The following MAST4 variants were observed in gnomAD, a reference collection of about 807,000 sequenced individuals.
MAST4 encodes the protein microtubule associated serine/threonine kinase family member 4.
A neutral mutation model predicts 162.7 loss-of-function variants in MAST4; 89 were observed. That is an observed-to-expected ratio of 0.55 (90% CI 0.46 to 0.65). The LOEUF is 0.65. MAST4 is among the 30% of genes least tolerant of loss of function. The pLI is 0.00. For missense variants in MAST4, 3,153 were observed against 3,374.0 expected, an observed-to-expected ratio of 0.93 and a Z score of 1.62; for synonymous variants, 1,479 against 1,361.1, an observed-to-expected ratio of 1.09 and a Z score of -1.91.
chr5:67,151,767 CTTT>C lies in MAST4; in HGVS notation c.3296-854_3296-852del, dbSNP rs1163541260. 3.1e-3 allele frequency among the ~76,000 whole-genome samples: 363 copies of C among 115,626 alleles called. 1 individual carries two copies. The highest frequency in any genetic ancestry group is 0.011 in the African/African-American group (328 of 30,640). The allele number at this position is 115,626 out of a possible 152,430, so 75.9% of individuals were successfully genotyped here. On this transcript the variant is annotated intron_variant, in intron 24 of 28. Transcript: ENST00000403625. ...TCCTTTTTTTTTTTCTTCTTTTTTT[CTTT>C]TTTTTTTTTTTTTTTGAGATAGGGT...
At chr5:66,914,456 C>G (rs1481381502) in intron 4 of MAST4, among the ~76,000 whole-genome samples, 1 of 152,074 alleles carries the variant, frequency 6.6e-6, no homozygotes, top group African/African-American at 2.4e-5. Flanking sequence ...GGGAGTAGCT[C>G]AAGTAATGAT....
chr5:66,647,204 T>C (rs1443241165), intron 1 of MAST4, among the ~76,000 whole-genome samples: 1 of 152,168 alleles, frequency 6.6e-6, no homozygotes, highest in Non-Finnish European at 1.5e-5. Context: ...AAAGTTTGGC[T>C]CCAGGATCAC....
At chr5:67,112,578 C>T (rs1455559919) in intron 11 of MAST4, among the ~76,000 whole-genome samples, 68 of 152,254 alleles carry the variant, frequency 4.5e-4, no homozygotes, top group African/African-American at 2.6e-4. Context: ...GTTCACAGAA[C>T]TCAGGGAAAC....
chr5:67,089,334 G>T (rs1763583788), intron 5 of MAST4, among the ~76,000 whole-genome samples: 1 of 152,170 alleles, frequency 6.6e-6, no homozygotes, highest in Non-Finnish European at 1.5e-5. Flanking sequence ...ATGATCAGCA[G>T]CAGGTTGAGT....
At chr5:67,116,417 G>T (rs1766920463) in intron 12 of MAST4, among the ~76,000 whole-genome samples, 1 of 151,132 alleles carries the variant, frequency 6.6e-6, no homozygotes, top group Admixed American at 6.6e-5. Flanking sequence ...TGTTGGCCAG[G>T]CTGGTCTTGA....
At chr5:67,042,104 A>G (rs534480554) in intron 4 of MAST4, among the ~76,000 whole-genome samples, 33 of 152,360 alleles carry the variant, frequency 2.2e-4, no homozygotes, top group South Asian at 1.4e-3. Context: ...TAGAACAGTT[A>G]CTGTATGTTC....
At chr5:66,944,415 G>C (rs973221576) in intron 4 of MAST4, among the ~76,000 whole-genome samples, 1 of 152,122 alleles carries the variant, frequency 6.6e-6, no homozygotes, top group South Asian at 2.1e-4. Context: ...TATTAAATTG[G>C]TAGTAACTTG....
chr5:66,904,197 C>T (rs1238273559), intron 4 of MAST4, among the ~76,000 whole-genome samples: 2 of 152,094 alleles, frequency 1.3e-5, no homozygotes, highest in Non-Finnish European at 2.9e-5. Flanking sequence ...AGTGGAAAAG[C>T]CCAAGATGTG....
At position 67,149,240 on chromosome 5, in the gene MAST4, T is replaced by C. The variant is rs147373815; in HGVS notation, c.3095-149T>C. 8.1e-4 allele frequency: 537 copies of C among 663,530 alleles called. 7 individuals are homozygous for C. In the East Asian group the frequency reaches 0.014, roughly 17 times the overall value. 41.1% of individuals were successfully genotyped at this position (663,530 alleles called of 1,614,324 possible). A position where few individuals can be genotyped will look rare whatever the true frequency, so the allele number is the denominator to read the frequency against. ...CTTTCTCAAAGCAATCACATGTTGTTAATGTTCGCCTGACACCGTCTGGAC... is the reference window on the plus strand; with the variant it reads ...CTTTCTCAAAGCAATCACATGTTGTCAATGTTCGCCTGACACCGTCTGGAC... On this transcript the variant is annotated intron_variant, in intron 23 of 28. Coordinates refer to ENST00000403625, the MANE Select transcript of MAST4 (RefSeq NM_001164664.2).
At chr5:66,661,065 C>G (rs1400457226) in intron 1 of MAST4, among the ~76,000 whole-genome samples, 1 of 152,162 alleles carries the variant, frequency 6.6e-6, no homozygotes, top group Non-Finnish European at 1.5e-5. Context: ...AGTATTTCCT[C>G]TGATCCTCTA....
intron 4 of MAST4, among the ~76,000 whole-genome samples, chr5:67,049,096 A>G (rs1757858468): frequency 7.8e-6 from 1 of 128,192 alleles, no homozygotes. Context: ...CATACCAAGA[A>G]TGAATGGGCA....
chr5:66,839,926 G>T (rs1010611542), intron 3 of MAST4, among the ~76,000 whole-genome samples: 2 of 151,880 alleles, frequency 1.3e-5, no homozygotes, highest in African/African-American at 2.4e-5. Context: ...GTGCATGTGT[G>T]TGTGTGTGTG....
intron 1 of MAST4, among the ~76,000 whole-genome samples, chr5:66,663,386 CAATT>C (rs1272080250): frequency 6.6e-6 from 1 of 151,978 alleles, no homozygotes; most frequent in Non-Finnish European, 1.5e-5. Flanking sequence ...AGAAAGGAGA[CAATT>C]AAACTTAATT....
At chr5:66,865,567 GA>G (rs1760452117) in intron 3 of MAST4, among the ~76,000 whole-genome samples, 1 of 152,086 alleles carries the variant, frequency 6.6e-6, no homozygotes, top group South Asian at 2.1e-4. Context: ...AAACTATTAA[GA>G]AAATATCACA....
chr5:66,639,218 A>G (rs1745319219), intron 1 of MAST4, among the ~76,000 whole-genome samples: 1 of 151,556 alleles, frequency 6.6e-6, no homozygotes, highest in African/African-American at 2.4e-5. Context: ...ATGGGAACCA[A>G]GAGAGGAGGG....
intron 5 of MAST4, among the ~76,000 whole-genome samples, chr5:67,077,210 A>G (rs1328951019): frequency 6.6e-6 from 1 of 152,068 alleles, no homozygotes; most frequent in African/African-American, 2.4e-5. Flanking sequence ...TTTCCAGCAG[A>G]ATCTAAAGTA....
At chr5:66,751,992 A>G (rs962579852) in intron 1 of MAST4, among the ~76,000 whole-genome samples, 1 of 151,858 alleles carries the variant, frequency 6.6e-6, no homozygotes, top group Admixed American at 6.6e-5. Context: ...CCAATATTCA[A>G]CATTCTTAAA....
At chr5:66,737,685 A>C (rs937679812) in intron 1 of MAST4, among the ~76,000 whole-genome samples, 12 of 152,072 alleles carry the variant, frequency 7.9e-5, no homozygotes, top group African/African-American at 2.2e-4. Flanking sequence ...TTATGGAAGG[A>C]GCTTTAGGCT....
intron 5 of MAST4, among the ~76,000 whole-genome samples, chr5:67,088,855 C>T (rs187134778): frequency 1.3e-5 from 2 of 152,318 alleles, no homozygotes; most frequent in Admixed American, 6.5e-5. Context: ...TTGAAGACAT[C>T]ACTATAAAAT....
Sources: allele counts gnomAD v4.1 joint callset (sites outside exome capture counted in the v4.1 genomes callset), GRCh38; gene constraint gnomAD v4.1.1; transcripts MANE v1.5; gene names NCBI Gene and HGNC (gene_info 2026-07-23, HGNC 2026-07-21).